Variants in RBFOX1 observed in about 807,000 individuals in gnomAD.
RBFOX1 encodes the protein RNA binding fox-1 homolog 1.
A neutral mutation model predicts 57.7 loss-of-function variants in RBFOX1; 8 were observed. The ratio of observed to expected loss-of-function variants is 0.14; its 90% CI spans 0.08 to 0.25. The LOEUF (loss-of-function observed/expected upper bound fraction) is 0.25. Ranked by LOEUF, RBFOX1 falls within the 10% of genes least tolerant of loss-of-function variation. RBFOX1 has a pLI of 1.00. For synonymous variants in RBFOX1, 326 were observed against 222.4 expected (o/e 1.47, Z -4.15); for missense variants, 611 against 548.5 (o/e 1.11, Z -1.14).
chr16:6,312,436 T>G (rs2152765625), intron 1 of RBFOX1, among the ~76,000 whole-genome samples: 1 of 152,240 alleles, frequency 6.6e-6, no homozygotes, highest in East Asian at 1.9e-4. Flanking sequence ...CTGACGACAC[T>G]TAAGTGTGCC....
chr16:6,922,095 C>G (rs957191090), intron 3 of RBFOX1, among the ~76,000 whole-genome samples: 12 of 152,290 alleles, frequency 7.9e-5, no homozygotes, highest in Admixed American at 2.6e-4. Context: ...ATTTTAGCAT[C>G]TACAACTTTC....
At chr16:6,927,558 G>A (rs549565541) in intron 3 of RBFOX1, among the ~76,000 whole-genome samples, 13 of 150,392 alleles carry the variant, frequency 8.6e-5, no homozygotes, top group South Asian at 2.1e-4. Context: ...TTTGTTTTTC[G>A]TTTTTGCATC....
intron 4 of RBFOX1, among the ~76,000 whole-genome samples, chr16:7,306,928 G>C (rs1489949403): frequency 6.6e-6 from 1 of 152,140 alleles, no homozygotes; most frequent in Non-Finnish European, 1.5e-5. Flanking sequence ...CCTTTAATCT[G>C]TAGCTATTAT....
chr16:6,766,936 C>G (rs936004822), intron 3 of RBFOX1, among the ~76,000 whole-genome samples: 1 of 152,034 alleles, frequency 6.6e-6, no homozygotes, highest in Non-Finnish European at 1.5e-5. Context: ...GAATGCAGCC[C>G]GTGGTACTAG....
At chr16:7,032,981 C>T (rs907185171) in intron 3 of RBFOX1, among the ~76,000 whole-genome samples, 22 of 152,116 alleles carry the variant, frequency 1.4e-4, no homozygotes, top group African/African-American at 4.3e-4. Context: ...GCAGGAATAA[C>T]GCTAAATGGC....
chr16:5,653,449 C>T (rs1057368258), intron 3 of RBFOX1, among the ~76,000 whole-genome samples: 37 of 150,006 alleles, frequency 2.5e-4, no homozygotes, highest in African/African-American at 8.4e-4. Context: ...GAGCCGTGTG[C>T]TCCACCTTTG....
chr16:5,988,477 G>C (rs898862910), intron 4 of RBFOX1, among the ~76,000 whole-genome samples: 2 of 152,068 alleles, frequency 1.3e-5, no homozygotes, highest in African/African-American at 4.8e-5. Flanking sequence ...TCCTGTCTTA[G>C]GTCTGGTTAC....
intron 4 of RBFOX1, among the ~76,000 whole-genome samples, chr16:7,200,163 C>T (rs1003836393): frequency 2.6e-5 from 4 of 152,178 alleles, no homozygotes; most frequent in South Asian, 2.1e-4. Context: ...TGGGCCTCCA[C>T]CTGGAATATA....
At chr16:6,576,262 G>C (rs2097434363) in intron 2 of RBFOX1, among the ~76,000 whole-genome samples, 1 of 152,178 alleles carries the variant, frequency 6.6e-6, no homozygotes, top group African/African-American at 2.4e-5. Context: ...ACTCTGGTCA[G>C]GATGTGCTGA....
chr16:5,272,376 A>G (rs749502172), intron 1 of RBFOX1, among the ~76,000 whole-genome samples: 2 of 152,160 alleles, frequency 1.3e-5, no homozygotes, highest in Non-Finnish European at 2.9e-5. Flanking sequence ...AAAATAAGTA[A>G]CTTGTTCAAA....
At chr16:5,391,874 G>T (rs1197226489) in intron 1 of RBFOX1, among the ~76,000 whole-genome samples, 1 of 125,816 alleles carries the variant, frequency 7.9e-6, no homozygotes, top group Non-Finnish European at 1.7e-5. Context: ...AAGAAACTAT[G>T]GTGTGTGTGT....
rs761809136 is a variant in RBFOX1, at chr16:6,654,572, C to G, written c.-63-31C>G. 1.5e-5 allele frequency: 22 copies of G among 1,489,184 alleles called. No homozygotes were observed. In the East Asian group the frequency reaches 2.1e-4, roughly 14 times the overall value. 92.2% of individuals were successfully genotyped at this position (1,489,184 alleles called of 1,614,324 possible). A position where few individuals can be genotyped will look rare whatever the true frequency, so the allele number is the denominator to read the frequency against. The stretch of plus-strand genomic sequence containing the variant: ...CATAAGTCTGACTCCTGTTCTTTCT[C>G]TCACTTTCCTTTCTTTTCTTCTCTT... On this transcript the variant is annotated intron_variant, in intron 2 of 15. Coordinates refer to ENST00000550418, the MANE Select transcript of RBFOX1 (RefSeq NM_018723.4).
chr16:7,068,809 G>T (rs1410588799), intron 4 of RBFOX1, among the ~76,000 whole-genome samples: 1 of 152,114 alleles, frequency 6.6e-6, no homozygotes, highest in Non-Finnish European at 1.5e-5. Context: ...GGCTGGTCTC[G>T]AACTCCAGAC....
chr16:7,665,078 C>G (rs1597596244), intron 13 of RBFOX1, 110 bp downstream of exon 13: 2 of 1,601,388 alleles, frequency 1.2e-6, no homozygotes, highest in Non-Finnish European at 1.7e-6. Context: ...TCTCCTTGGT[C>G]TGTAGGAAAT....
chr16:6,577,934 G>A (rs774016986), intron 2 of RBFOX1, among the ~76,000 whole-genome samples: 2 of 152,228 alleles, frequency 1.3e-5, no homozygotes, highest in East Asian at 3.8e-4. Context: ...AGAAGGCTGG[G>A]ATTCAGAGAG....
At chr16:5,488,713 G>C (rs11859748) in intron 2 of RBFOX1, among the ~76,000 whole-genome samples, 8,418 of 144,472 alleles carry the variant, frequency 0.058, 1,009 homozygotes, top group African/African-American at 0.21. Flanking sequence ...AGATGATGGT[G>C]CTGGTGGGGT....
intron 2 of RBFOX1, among the ~76,000 whole-genome samples, chr16:6,506,292 A>C (rs942074791): frequency 6.6e-6 from 1 of 152,086 alleles, no homozygotes; most frequent in Non-Finnish European, 1.5e-5. Flanking sequence ...AAATGTAGTG[A>C]CAGCAGCCAG....
chr16:7,226,628 A>C (rs559599315), intron 4 of RBFOX1, among the ~76,000 whole-genome samples: 2 of 152,360 alleles, frequency 1.3e-5, no homozygotes, highest in South Asian at 4.1e-4. Flanking sequence ...CAGAGTTAAC[A>C]AGTTTTATAT....
intron 3 of RBFOX1, among the ~76,000 whole-genome samples, chr16:6,714,856 T>C (rs1452473782): frequency 2.6e-5 from 4 of 152,034 alleles, no homozygotes; most frequent in African/African-American, 9.7e-5. Context: ...TTTGAGGTTC[T>C]GTTTGGGAGG....
Sources: gnomAD v4.1 joint callset for allele counts (sites outside exome capture counted in the v4.1 genomes callset) on GRCh38, gnomAD v4.1.1 for gene constraint, MANE v1.5 for transcripts, NCBI Gene and HGNC (gene_info 2026-07-23, HGNC 2026-07-21) for gene names.